Variants in SLC12A8 observed in about 807,000 individuals in gnomAD.
SLC12A8 encodes cation-chloride cotransporter 9.
In SLC12A8, 69 loss-of-function variants were observed where a neutral mutation model predicts 75.6. The observed-to-expected ratio is 0.91, with a 90% CI of 0.75 to 1.11. SLC12A8 has a LOEUF of 1.11. Ranked by LOEUF, SLC12A8 falls within the 50% of genes most tolerant of loss-of-function variation. The pLI, the probability that SLC12A8 is intolerant of heterozygous loss-of-function variation, is 0.00. For missense variants in SLC12A8, 877 were observed against 896.7 expected (o/e 0.98, Z 0.28); for synonymous variants, 365 against 372.8 (o/e 0.98, Z 0.24).
At chr3:125,148,941 G>A (rs902114534) in intron 5 of SLC12A8, among the ~76,000 whole-genome samples, 1 of 151,660 alleles carries the variant, frequency 6.6e-6, no homozygotes, top group Non-Finnish European at 1.5e-5. Context: ...CACCTGCCAC[G>A]TGCAGTGAGA....
In SLC12A8 at chr3:125,128,251, G is replaced by A. The variant is rs1022997108; in HGVS notation, c.736+7418C>T. 1.1e-4 allele frequency among the ~76,000 whole-genome samples: 16 copies of A among 140,532 alleles called. 1 individual carries two copies. The highest frequency in any genetic ancestry group is 3.4e-4 in the African/African-American group (13 of 38,774). The allele number at this position is 140,532 out of a possible 152,430, so 92.2% of individuals were successfully genotyped here. A position where few individuals can be genotyped will look rare whatever the true frequency, so the allele number is the denominator to read the frequency against. On this transcript the variant is annotated intron_variant, in intron 6 of 13. Transcript: ENST00000469902. ...GCTGGAGTGCAGTGGCGGGATCTCG[G>A]CTCACTGCAAGCTCCGCCTCCCGGG...
In SLC12A8 at chr3:125,107,838, C is replaced by T; in HGVS notation, c.1348G>A (p.Val450Ile). 2 of 1,614,178 alleles carry T rather than the reference C, an allele frequency of 1.2e-6. No individual in the cohort carries two copies. The highest frequency in any genetic ancestry group is 8.5e-7 in the Non-Finnish European group (1 of 1,180,038). Residue 450 changes from valine to isoleucine, a missense_variant, in exon 10 of 14, where the codon GTC becomes ATC. Physicochemically the swap from Val to Ile is conservative, Grantham distance 29. Coordinates refer to ENST00000469902, the MANE Select transcript of SLC12A8 (RefSeq NM_024628.6). ...SYGSEGPAQR[V>I]LEGTLLEFTK... is the part of the protein sequence containing the mutation. ...AATTCCAGTAGCGTGCCCTCCAAGA[C>T]TCTTTGGGCAGGTCCCTCAGAGCCG...
At position 125,126,306 on chromosome 3, in the gene SLC12A8, C is replaced by T. The variant is rs371135444; in HGVS notation, c.737-5620G>A. Among the ~76,000 whole-genome samples, 9 of 152,316 alleles carry T rather than the reference C, an allele frequency of 5.9e-5. No homozygotes were observed. In the South Asian group the frequency reaches 1.0e-3, roughly 18 times the overall value. ...GACATTGACATCACACCTACAGTTT[C>T]GATGGATGGCACCAGGTGAACAGGG... is the stretch of plus-strand genomic sequence containing the variant. On this transcript the variant is annotated intron_variant, in intron 6 of 13. Transcript: ENST00000469902.
chr3:125,106,351 G>GTTTTTTT (rs1406611203), intron 10 of SLC12A8, among the ~76,000 whole-genome samples: 6 of 135,322 alleles, frequency 4.4e-5, no homozygotes, highest in East Asian at 2.1e-4. Flanking sequence ...AGGTTTTTGG[G>GTTTTTTT]GTTTTTTGTT....
intron 5 of SLC12A8, among the ~76,000 whole-genome samples, chr3:125,139,255 G>A (rs1333513727): frequency 6.6e-6 from 1 of 151,998 alleles, no homozygotes; most frequent in Non-Finnish European, 1.5e-5. Flanking sequence ...AGAGAGAGAG[G>A]GTGAGAACAC....
At chr3:125,149,003 C>A (rs1463510031) in intron 5 of SLC12A8, among the ~76,000 whole-genome samples, 5 of 152,226 alleles carry the variant, frequency 3.3e-5, no homozygotes, top group Admixed American at 1.3e-4. Context: ...CGGCCCACCC[C>A]TCAGCGGTCA....
intron 10 of SLC12A8, among the ~76,000 whole-genome samples, chr3:125,102,764 C>T (rs1425312758): frequency 6.6e-6 from 1 of 152,098 alleles, no homozygotes; most frequent in African/African-American, 2.4e-5. Flanking sequence ...ATGAAACAGA[C>T]ATAAACCCAC....
intron 2 of SLC12A8, among the ~76,000 whole-genome samples, chr3:125,197,207 T>G (rs1935024566): frequency 1.3e-5 from 2 of 152,158 alleles, no homozygotes; most frequent in South Asian, 4.1e-4. Context: ...TCTGGCACAA[T>G]TTGGCCCTGA....
intron 5 of SLC12A8, among the ~76,000 whole-genome samples, chr3:125,168,981 G>A (rs1281168260): frequency 6.6e-6 from 1 of 152,204 alleles, no homozygotes; most frequent in Non-Finnish European, 1.5e-5. Flanking sequence ...TGCAGTGCAG[G>A]CTCTGGAGTG....
intron 13 of SLC12A8, 95 bp downstream of exon 13, chr3:125,088,215 C>G (rs1938507687): frequency 7.6e-7 from 1 of 1,309,026 alleles, no homozygotes; most frequent in Non-Finnish European, 1.1e-6. Flanking sequence ...TGCCACAATC[C>G]AGGCCCAAGC....
intron 13 of SLC12A8, among the ~76,000 whole-genome samples, chr3:125,087,210 T>C (rs772279016): frequency 1.1e-4 from 17 of 150,974 alleles, no homozygotes; most frequent in Non-Finnish European, 1.9e-4. Flanking sequence ...TTCTCCTGCC[T>C]CAGCCTCCCT....
Position 125,168,031 on chromosome 3 carries a change from C to T in SLC12A8, c.622+9712G>A, listed in dbSNP as rs549977669. 1.1e-4 allele frequency among the ~76,000 whole-genome samples: 17 copies of T among 152,176 alleles called. No individual in the cohort carries two copies. The South Asian group carries it at 2.7e-3, about 24-fold the overall frequency. ...CACTGTTTTACGAAAAGTGATCTGG[C>T]TTCAGTGCATAGGAGGTGTCAGTCG... On this transcript the variant is annotated intron_variant, in intron 5 of 13. Transcript: ENST00000469902.
At chr3:125,181,883 G>A (rs151160679) in intron 4 of SLC12A8, among the ~76,000 whole-genome samples, 42 of 152,172 alleles carry the variant, frequency 2.8e-4, no homozygotes, top group African/African-American at 9.4e-4. Flanking sequence ...CATATACAGA[G>A]GAGAGTAAAG....
At chr3:125,100,689 C>T (rs112315457) in intron 10 of SLC12A8, among the ~76,000 whole-genome samples, 5,573 of 150,646 alleles carry the variant, frequency 0.037, 160 homozygotes, top group South Asian at 0.088. Context: ...ATTACAGGCA[C>T]GAGCCACCAT....
At position 125,138,262 on chromosome 3, in the gene SLC12A8, G is replaced by A. The variant is rs539724149; in HGVS notation, c.623-2480C>T. On this transcript the variant is annotated intron_variant, in intron 5 of 13. Transcript: ENST00000469902. ...CTAAAAATACAAAAATTAGCCGGCC[G>A]TGATGGGGTGTGCCTGTAGTCCCCG... Among the ~76,000 whole-genome samples the A allele has an allele frequency of 6.1e-4, 93 of 152,194 alleles. 1 individual carries two copies. The highest frequency in any genetic ancestry group is 2.0e-3 in the African/African-American group (83 of 41,534).
rs565265332 is a variant in SLC12A8, at chr3:125,146,898, C to T, written c.623-11116G>A. 1.8e-4 allele frequency among the ~76,000 whole-genome samples: 28 copies of T among 152,348 alleles called. 1 individual carries two copies. The East Asian group carries it at 3.9e-3, about 21-fold the overall frequency. ...AGGGAGGCCCTTCCTCCACGAGAAG[C>T]AGGGCGGGGAAGCTGCCCAGCAAGC... is the stretch of plus-strand genomic sequence containing the variant. On this transcript the variant is annotated intron_variant, in intron 5 of 13. Transcript: ENST00000469902.
At chr3:125,089,688 CTTT>C (rs752856308) in intron 12 of SLC12A8, among the ~76,000 whole-genome samples, 1 of 37,278 alleles carries the variant, frequency 2.7e-5, no homozygotes, top group Admixed American at 3.0e-4. Flanking sequence ...ACCTTTTTCT[CTTT>C]TTTTTTTTTT....
At chr3:125,126,932 T>C (rs1281981791) in intron 6 of SLC12A8, among the ~76,000 whole-genome samples, 3 of 152,084 alleles carry the variant, frequency 2.0e-5, no homozygotes, top group African/African-American at 7.2e-5. Context: ...TACTGTTTGG[T>C]GGCAATGTGG....
rs547617607 is a variant in SLC12A8 at position 125,093,933 on chromosome 3, G to C, written c.1706-1735C>G. The stretch of plus-strand genomic sequence containing the variant: ...TTGCTTGTTAAATATTTCAGCCCCT[G>C]GTTCACCATCTTTTTCTCTATCAGC... On this transcript the variant is annotated intron_variant, in intron 10 of 13. Transcript: ENST00000469902. Among the ~76,000 whole-genome samples, 11 of 152,148 alleles carry C rather than the reference G, an allele frequency of 7.2e-5. No individual in the cohort carries two copies. The South Asian group carries it at 2.3e-3, about 32-fold the overall frequency.
Sources: allele counts gnomAD v4.1 joint callset (sites outside exome capture counted in the v4.1 genomes callset), GRCh38; gene constraint gnomAD v4.1.1; transcripts MANE v1.5; gene names NCBI Gene and HGNC (gene_info 2026-07-23, HGNC 2026-07-21).